Variants in FARS2 observed in about 807,000 individuals in gnomAD.
FARS2 encodes phenylalanine--tRNA ligase, mitochondrial.
In FARS2, 40 loss-of-function variants were observed where a neutral mutation model predicts 46.4. That is an observed-to-expected ratio of 0.86 (90% CI 0.67 to 1.12). The LOEUF (loss-of-function observed/expected upper bound fraction) is 1.12. Among genes scored for constraint, FARS2 ranks in the 50% most tolerant of loss-of-function variants. The pLI is 0.00. For missense variants in FARS2, 513 were observed against 567.9 expected (o/e 0.90, Z 0.98); for synonymous variants, 234 against 214.9 (o/e 1.09, Z -0.78).
rs929970078 is a variant in FARS2, at chr6:5,392,735, T to TATAC, written c.613-11806_613-11805insTACA. Among the ~76,000 whole-genome samples, 10 of 142,372 alleles carry TATAC rather than the reference T, an allele frequency of 7.0e-5. No homozygotes were observed. The South Asian group carries it at 8.7e-4, about 12-fold the overall frequency. 93.4% of individuals were successfully genotyped at this position (142,372 alleles called of 152,430 possible). A position where few individuals can be genotyped will look rare whatever the true frequency, so the allele number is the denominator to read the frequency against. ...ACACTTGCTCTAAAATATATATATATACACACACACACACACACACACACA... is the reference window on the plus strand; with the variant it reads ...ACACTTGCTCTAAAATATATATATATATACACACACACACACACACACACACACA... On this transcript the variant is annotated intron_variant, in intron 2 of 6. Transcript: ENST00000274680.
chr6:5,596,882 T>G (rs1276204587), intron 5 of FARS2, among the ~76,000 whole-genome samples: 1 of 152,220 alleles, frequency 6.6e-6, no homozygotes, highest in Non-Finnish European at 1.5e-5. Flanking sequence ...TTGTTAGGTT[T>G]CCCCTGCCTA....
At chr6:5,401,813 T>C (rs1457018728) in intron 2 of FARS2, among the ~76,000 whole-genome samples, 1 of 152,182 alleles carries the variant, frequency 6.6e-6, no homozygotes, top group East Asian at 1.9e-4. Context: ...GTGTTGTTTT[T>C]GAAGAATCTG....
intron 2 of FARS2, among the ~76,000 whole-genome samples, chr6:5,389,933 C>T (rs1235395987): frequency 6.6e-6 from 1 of 152,144 alleles, no homozygotes; most frequent in East Asian, 1.9e-4. Flanking sequence ...AGCATGATCT[C>T]AGCTCACCGC....
intron 1 of FARS2, among the ~76,000 whole-genome samples, chr6:5,273,515 T>G (rs7740914): frequency 0.27 from 13,320 of 48,480 alleles, 721 homozygotes; most frequent in African/African-American, 0.35. Flanking sequence ...TCAGATTGTG[T>G]TTTTTTTTTA....
intron 6 of FARS2, among the ~76,000 whole-genome samples, chr6:5,741,095 C>T (rs934978184): frequency 1.2e-4 from 18 of 152,312 alleles, no homozygotes; most frequent in Admixed American, 1.2e-3. Flanking sequence ...CTCCGCATCC[C>T]GAGAGAGTTG....
At chr6:5,593,752 C>T (rs1159028497) in intron 5 of FARS2, among the ~76,000 whole-genome samples, 2 of 152,182 alleles carry the variant, frequency 1.3e-5, no homozygotes, top group African/African-American at 2.4e-5. Context: ...TATTCAGGCT[C>T]AGGCGAATTT....
chr6:5,748,636 C>G (rs992677238), intron 6 of FARS2, among the ~76,000 whole-genome samples: 4 of 152,174 alleles, frequency 2.6e-5, no homozygotes, highest in Admixed American at 6.5e-5. Context: ...TGGCTGGGGC[C>G]GAGAGAGGCT....
In FARS2 at chr6:5,630,437, T is replaced by G. The variant is rs1776244220; in HGVS notation, c.1217+17117T>G. On this transcript the variant is annotated intron_variant, in intron 6 of 6. Coordinates refer to ENST00000274680, the MANE Select transcript of FARS2 (RefSeq NM_006567.5). This position sits in a 1 kb window ranked among gnomAD's most constrained non-coding sequence, Gnocchi z 4.2. ...AATATCCCACCCGTTGTGTCTTTAC[T>G]TGTATTTATTCCACAAATGTTCATA... Among the ~76,000 whole-genome samples, 1 of 152,246 alleles carries G rather than the reference T, an allele frequency of 6.6e-6. No homozygotes were observed. Among genetic ancestry groups the G allele is most frequent in the Admixed American group, 6.5e-5 (1 of 15,292 alleles).
At chr6:5,600,644 A>G (rs1774457513) in intron 5 of FARS2, among the ~76,000 whole-genome samples, 2 of 152,218 alleles carry the variant, frequency 1.3e-5, no homozygotes, top group South Asian at 2.1e-4. Context: ...TTTTATAGGT[A>G]AAGCTGATTT....
chr6:5,322,025 C>A (rs1009899055), intron 1 of FARS2, among the ~76,000 whole-genome samples: 1 of 152,176 alleles, frequency 6.6e-6, no homozygotes, highest in Admixed American at 6.5e-5. Flanking sequence ...AGGGAAGGTT[C>A]ATTTATTCAC....
At chr6:5,545,515 G>A (rs943718675) in intron 5 of FARS2, among the ~76,000 whole-genome samples, 175 bp downstream of exon 5, 6 of 151,760 alleles carry the variant, frequency 4.0e-5, no homozygotes, top group East Asian at 1.9e-4. Context: ...ATAGGTATAC[G>A]TGTGCCATGG....
At chr6:5,620,422 A>C (rs1412933606) in intron 6 of FARS2, among the ~76,000 whole-genome samples, 2 of 152,192 alleles carry the variant, frequency 1.3e-5, no homozygotes, top group East Asian at 1.9e-4. Flanking sequence ...GAGGTGTTCT[A>C]GTGGGGGCTC....
chr6:5,709,632 C>A (rs1758983472), intron 6 of FARS2, among the ~76,000 whole-genome samples: 1 of 148,326 alleles, frequency 6.7e-6, no homozygotes, highest in Non-Finnish European at 1.5e-5. Flanking sequence ...ACATTGAGAC[C>A]AAGAAGAAAA....
At chr6:5,538,027 A>G (rs1246694809) in intron 4 of FARS2, among the ~76,000 whole-genome samples, 2 of 152,052 alleles carry the variant, frequency 1.3e-5, no homozygotes, top group African/African-American at 4.8e-5. Flanking sequence ...GACTTTCATT[A>G]GTCAAAATGC....
intron 2 of FARS2, among the ~76,000 whole-genome samples, chr6:5,389,718 T>C (rs1381627524): frequency 6.6e-6 from 1 of 152,206 alleles, no homozygotes. Flanking sequence ...ATTATTATAT[T>C]TGTCTTAATG....
intron 4 of FARS2, among the ~76,000 whole-genome samples, chr6:5,490,186 A>G (rs975490292): frequency 2.8e-4 from 40 of 145,278 alleles, no homozygotes; most frequent in Non-Finnish European, 5.4e-4. Context: ...TAACTTTACA[A>G]AGTATTTCTG....
At chr6:5,624,200 C>G (rs534575347) in intron 6 of FARS2, among the ~76,000 whole-genome samples, 1 of 152,124 alleles carries the variant, frequency 6.6e-6, no homozygotes, top group Non-Finnish European at 1.5e-5. Flanking sequence ...TATCTGTTTT[C>G]CCCTTCTTCC....
chr6:5,349,813 G>A (rs1206563916), intron 1 of FARS2, among the ~76,000 whole-genome samples: 3 of 151,054 alleles, frequency 2.0e-5, no homozygotes, highest in African/African-American at 7.3e-5. Flanking sequence ...TACCTGTCAG[G>A]TGTTTAGTAG....
At chr6:5,729,986 C>G (rs1020972186) in intron 6 of FARS2, among the ~76,000 whole-genome samples, 1 of 152,208 alleles carries the variant, frequency 6.6e-6, no homozygotes, top group Non-Finnish European at 1.5e-5. Context: ...GTTGTGACAA[C>G]CACAAATATC....
Sources: gnomAD v4.1 joint callset for allele counts (sites outside exome capture counted in the v4.1 genomes callset) on GRCh38, gnomAD v4.1.1 for gene constraint, Gnocchi (gnomAD v3.1) non-coding constraint, MANE v1.5 for transcripts, NCBI Gene and HGNC (gene_info 2026-07-23, HGNC 2026-07-21) for gene names.